The following CLPTM1 variants were observed in gnomAD, a reference collection of about 807,000 sequenced individuals.
The protein encoded by CLPTM1 is CLPTM1 regulator of GABA type A receptor forward trafficking, also known as putative lipid scramblase CLPTM1.
Under a neutral mutation model 77.3 loss-of-function variants are expected in CLPTM1, and 21 were observed. The observed-to-expected ratio is 0.27, with a 90% confidence interval of 0.19 to 0.39. The LOEUF (loss-of-function observed/expected upper bound fraction) is 0.39. Among genes scored for constraint, CLPTM1 ranks in the 10% least tolerant of loss-of-function variants. The pLI, the probability that CLPTM1 is intolerant of heterozygous loss-of-function variation, is 1.00. For synonymous variants in CLPTM1, 373 were observed against 381.0 expected (o/e 0.98, Z 0.24); for missense variants, 642 against 921.2 (o/e 0.70, Z 3.92).
At chr19:44,965,090 ATT>A (rs60794565) in intron 2 of CLPTM1, among the ~76,000 whole-genome samples, 35 of 147,920 alleles carry the variant, frequency 2.4e-4, no homozygotes, top group African/African-American at 8.7e-4. Flanking sequence ...TATTCCTTTT[ATT>A]TTTTTTTTGC....
At chr19:44,966,848 TC>T (rs1225016291) in intron 2 of CLPTM1, among the ~76,000 whole-genome samples, 9 of 151,498 alleles carry the variant, frequency 5.9e-5, no homozygotes, top group Non-Finnish European at 1.3e-4. Flanking sequence ...TCTCTCTCTC[TC>T]TTTTTTTTGG....
Position 44,991,152 on chromosome 19 carries a change from A to T in CLPTM1, c.1420-86A>T. 1 of 1,588,228 alleles carries T rather than the reference A, an allele frequency of 6.3e-7. No homozygotes were observed. Among genetic ancestry groups the T allele is most frequent in the South Asian group, 1.1e-5 (1 of 88,994 alleles). On this transcript the variant is annotated intron_variant, in intron 11 of 13. Transcript: ENST00000337392. This position sits in a 1 kb window ranked among gnomAD's most constrained non-coding sequence, Gnocchi z 5.4. ...AAATTCCCCCTGCCCGGCCTGCCAG[A>T]CCAGGTGTGGTGGGTGAGGGCGGGG...
intron 2 of CLPTM1, among the ~76,000 whole-genome samples, chr19:44,963,646 G>T (rs1433432864): frequency 6.7e-6 from 1 of 149,196 alleles, no homozygotes; most frequent in African/African-American, 2.5e-5. Flanking sequence ...TTGTAATGGA[G>T]TCTCGCTCTG....
chr19:44,978,242 T>G (rs1054712832), intron 5 of CLPTM1, among the ~76,000 whole-genome samples: 1 of 151,852 alleles, frequency 6.6e-6, no homozygotes, highest in Non-Finnish European at 1.5e-5. Context: ...CCGTCTCTAC[T>G]AAAAATACAA....
chr19:44,966,376 A>G (rs190382432), intron 2 of CLPTM1, among the ~76,000 whole-genome samples: 8 of 151,892 alleles, frequency 5.3e-5, no homozygotes, highest in African/African-American at 1.9e-4. Flanking sequence ...CCGCCACTGC[A>G]CTCCAGCCTG....
In CLPTM1 at chr19:44,992,956, C is replaced by A. The variant is rs1157458036; in HGVS notation, c.*59C>A. On this transcript the variant is annotated 3_prime_UTR_variant, in exon 14 of 14. Coordinates refer to ENST00000337392, the MANE Select transcript of CLPTM1 (RefSeq NM_001294.4). The surrounding 1 kb of genome is among the most constrained non-coding windows in gnomAD (Gnocchi z 7.7). ...CGACCACTACCCCTGCGTCCCGGCC[C>A]CCTCGCCTCCCCTCCCTGTCGCCCT... The A allele has an allele frequency of 3.2e-6, 5 of 1,548,916 alleles. No individual in the cohort carries two copies. In the East Asian group the frequency reaches 1.2e-4, roughly 36 times the overall value.
At chr19:44,954,614 G>A (rs913336562), upstream of CLPTM1, 14 of 1,045,494 alleles carry the variant, frequency 1.3e-5, no homozygotes, top group Admixed American at 1.5e-4. Flanking sequence ...CTCAGCAGAT[G>A]GCCGGGTTTA....
intron 5 of CLPTM1, among the ~76,000 whole-genome samples, chr19:44,984,991 C>T (rs1466681898): frequency 6.6e-6 from 1 of 152,114 alleles, no homozygotes; most frequent in Non-Finnish European, 1.5e-5. Flanking sequence ...GGGGTTTCTG[C>T]CTGGGGCATT....
At chr19:44,969,179 C>T (rs1395881193) in intron 2 of CLPTM1, among the ~76,000 whole-genome samples, 1 of 152,156 alleles carries the variant, frequency 6.6e-6, no homozygotes, top group Non-Finnish European at 1.5e-5. Context: ...GTGCGTGTGT[C>T]AGATGTATAT....
In CLPTM1 at chr19:44,975,377, CA is replaced by C. The variant is rs569404662; in HGVS notation, c.468+782del. 8.5e-5 allele frequency among the ~76,000 whole-genome samples: 13 copies of C among 152,324 alleles called. 1 individual carries two copies. In the East Asian group the frequency reaches 2.5e-3, roughly 29 times the overall value. ...AACGTGGGGCTGGGTGCAGAATCAGCAAGTATTGAACAAGTAAAAGGGACAT... is the reference window on the plus strand; with the variant it reads ...AACGTGGGGCTGGGTGCAGAATCAGCAGTATTGAACAAGTAAAAGGGACAT... On this transcript the variant is annotated intron_variant, in intron 4 of 13. Coordinates refer to ENST00000337392, the MANE Select transcript of CLPTM1 (RefSeq NM_001294.4).
At chr19:44,972,955 T>G in intron 2 of CLPTM1, 132 bp from the exon 3 acceptor site, 4 of 1,275,900 alleles carry the variant, frequency 3.1e-6, no homozygotes, top group Non-Finnish European at 4.4e-6. Context: ...GACTACCTTC[T>G]CAGGGCCTCC....
At chr19:44,974,916 G>C (rs528490359) in intron 4 of CLPTM1, among the ~76,000 whole-genome samples, 1 of 152,204 alleles carries the variant, frequency 6.6e-6, no homozygotes, top group Non-Finnish European at 1.5e-5. Flanking sequence ...CAGTTTATCA[G>C]GCAGCCCCGT....
chr19:44,989,376 C>T (rs1239389684), intron 9 of CLPTM1, among the ~76,000 whole-genome samples: 2 of 152,066 alleles, frequency 1.3e-5, no homozygotes, highest in Non-Finnish European at 2.9e-5. Flanking sequence ...CAGCAGGGGG[C>T]GCAGGCCTCA....
intron 2 of CLPTM1, among the ~76,000 whole-genome samples, chr19:44,970,749 C>G (rs926373915): frequency 3.5e-5 from 5 of 144,544 alleles, no homozygotes; most frequent in Admixed American, 2.0e-4. Flanking sequence ...TCCTCGGACA[C>G]ATGAAGAAGC....
Position 44,955,484 on chromosome 19 carries a change from G to A in CLPTM1, c.72+17G>A, listed in dbSNP as rs985320176. 7 of 1,288,096 alleles carry A rather than the reference G, an allele frequency of 5.4e-6. No homozygotes were observed. Among genetic ancestry groups the A allele is most frequent in the African/African-American group, 1.5e-5 (1 of 64,696 alleles). The allele number at this position is 1,288,096 out of a possible 1,614,324, so 79.8% of individuals were successfully genotyped here. ...TCCGGTCAGGTACGGAGGCCGAGAG[G>A]GGACTGAGGGGGTTCTTCCCCAGCC... On this transcript the variant is annotated intron_variant, in intron 1 of 13. Coordinates refer to ENST00000337392, the MANE Select transcript of CLPTM1 (RefSeq NM_001294.4).
At chr19:44,985,097 G>T in intron 5 of CLPTM1, 121 bp from the exon 6 acceptor site, 1 of 659,098 alleles carries the variant, frequency 1.5e-6, no homozygotes, top group Non-Finnish European at 2.7e-6. Context: ...ATCTCAGCAG[G>T]TGAGTGCAAG....
chr19:44,991,615 CA>C lies in CLPTM1; in HGVS notation c.1555+244del, dbSNP rs1483002154. 2.6e-5 allele frequency among the ~76,000 whole-genome samples: 4 copies of C among 152,088 alleles called. No individual in the cohort carries two copies. Among genetic ancestry groups the C allele is most frequent in the African/African-American group, 7.2e-5 (3 of 41,414 alleles). On this transcript the variant is annotated intron_variant, in intron 12 of 13. Transcript: ENST00000337392. The surrounding 1 kb of genome is among the most constrained non-coding windows in gnomAD (Gnocchi z 5.4). ...CCTTTGTGTCTTGGGAACAAGTAAA[CA>C]AGTAGGGCCAGGTGCAGTGGCTCAC... is the stretch of plus-strand genomic sequence containing the variant.
chr19:44,991,043 T>C lies in CLPTM1; in HGVS notation c.1419+98T>C. 1.5e-6 allele frequency: 2 copies of C among 1,317,506 alleles called. No individual in the cohort carries two copies. The highest frequency in any genetic ancestry group is 2.1e-6 in the Non-Finnish European group (2 of 931,370). The allele number at this position is 1,317,506 out of a possible 1,614,324, so 81.6% of individuals were successfully genotyped here. ...GCCATCTGTCTGCCGGACCCATGCT[T>C]TACAGCCTGTGCCACATCCTCTGTG... is the stretch of plus-strand genomic sequence containing the variant. On this transcript the variant is annotated intron_variant, in intron 11 of 13. Transcript: ENST00000337392. The surrounding 1 kb of genome is among the most constrained non-coding windows in gnomAD (Gnocchi z 5.4).
chr19:44,989,701 A>G (rs1363587148), intron 9 of CLPTM1, among the ~76,000 whole-genome samples: 1 of 152,118 alleles, frequency 6.6e-6, no homozygotes, highest in Non-Finnish European at 1.5e-5. Context: ...CCACTGTGCT[A>G]CAGACGTGGT....
Sources: gnomAD v4.1 joint callset for allele counts (sites outside exome capture counted in the v4.1 genomes callset) on GRCh38, gnomAD v4.1.1 for gene constraint, Gnocchi (gnomAD v3.1) non-coding constraint, MANE v1.5 for transcripts, NCBI Gene and HGNC (gene_info 2026-07-23, HGNC 2026-07-21) for gene names.